UNC13B: variants seen among roughly 807,000 people sequenced by gnomAD.
UNC13B encodes the protein protein unc-13 homolog B.
Under a neutral mutation model 211.0 loss-of-function variants are expected in UNC13B, and 144 were observed. That is an observed-to-expected ratio of 0.68 (90% CI 0.60 to 0.78). UNC13B has a LOEUF of 0.78. Among genes scored for constraint, UNC13B ranks in the 30% least tolerant of loss-of-function variants. UNC13B has a pLI of 0.00. For missense variants in UNC13B, 1,777 were observed against 2,002.0 expected (o/e 0.89, Z 2.14); for synonymous variants, 709 against 725.8 (o/e 0.98, Z 0.37).
intron 7 of UNC13B, among the ~76,000 whole-genome samples, chr9:35,268,659 C>T (rs759805134): frequency 5.9e-5 from 9 of 152,092 alleles, no homozygotes; most frequent in Non-Finnish European, 1.2e-4. Context: ...TGATTATTTC[C>T]TCGTAATTAG....
At chr9:35,206,854 C>T (rs1823677990) in intron 1 of UNC13B, among the ~76,000 whole-genome samples, 1 of 127,200 alleles carries the variant, frequency 7.9e-6, no homozygotes, top group East Asian at 2.2e-4. Flanking sequence ...AGCCTGGTGA[C>T]AGAGTGAGAC....
In UNC13B at chr9:35,399,741, C is replaced by A; in HGVS notation, c.12336+12C>A. 6.2e-7 allele frequency: 1 copy of A among 1,613,884 alleles called. No individual in the cohort carries two copies. ...TGGACACCATCAAGGTGGAGGCCCC[C>A]CCTTTTTCAGACAGTCTTAACCACC... On this transcript the variant is annotated intron_variant, in intron 36 of 39. Coordinates refer to ENST00000635942, the MANE Select transcript of UNC13B (RefSeq NM_001371189.2).
At chr9:35,390,502 A>G in intron 25 of UNC13B, 127 bp from the exon 26 acceptor site, 1 of 1,050,334 alleles carries the variant, frequency 9.5e-7, no homozygotes, top group South Asian at 1.4e-5. Flanking sequence ...GATTGGACCT[A>G]GCCCTGTTCC....
rs765603183 is a variant in UNC13B at position 35,167,754 on chromosome 9, ATTT to A, written c.22+5468_22+5470del. Among the ~76,000 whole-genome samples, 140 of 115,664 alleles carry A rather than the reference ATTT, an allele frequency of 1.2e-3. 2 individuals carry two copies. The East Asian group carries it at 0.026, about 22-fold the overall frequency. The allele number at this position is 115,664 out of a possible 152,430, so 75.9% of individuals were successfully genotyped here. A position where few individuals can be genotyped will look rare whatever the true frequency, so the allele number is the denominator to read the frequency against. On this transcript the variant is annotated intron_variant, in intron 1 of 39. Transcript: ENST00000635942. ...AGGTGCCTGCCACCATGCCTGGCTA[ATTT>A]TTTTTTTTTTTTTTTTTTGTATTTT...
chr9:35,396,159 A>G (rs756759472), intron 26 of UNC13B, among the ~76,000 whole-genome samples: 10 of 152,164 alleles, frequency 6.6e-5, no homozygotes, highest in Non-Finnish European at 1.5e-4. Context: ...ATCAGCACCC[A>G]TGGCCCTTTC....
chr9:35,367,701 A>G (rs757227759), intron 12 of UNC13B, among the ~76,000 whole-genome samples: 9 of 152,052 alleles, frequency 5.9e-5, no homozygotes, highest in Non-Finnish European at 1.3e-4. Context: ...ATTCCACTGT[A>G]GTCAGGATAT....
At chr9:35,219,617 CAAAA>C (rs576502502) in intron 1 of UNC13B, among the ~76,000 whole-genome samples, 2 of 65,434 alleles carry the variant, frequency 3.1e-5, no homozygotes, top group Non-Finnish European at 3.4e-5. Flanking sequence ...ACCCTGTGTC[CAAAA>C]AAAAAAAAAA....
chr9:35,201,063 C>T (rs1389970514), intron 1 of UNC13B, among the ~76,000 whole-genome samples: 4 of 152,046 alleles, frequency 2.6e-5, no homozygotes, highest in East Asian at 1.9e-4. Flanking sequence ...TGAATTTTGT[C>T]GAAGGCCTTT....
At chr9:35,381,250 GC>G in intron 19 of UNC13B, 35 bp downstream of exon 19, 2 of 1,581,116 alleles carry the variant, frequency 1.3e-6, no homozygotes. Context: ...GGATCAGAAA[GC>G]AGTGCTGGGA....
intron 8 of UNC13B, among the ~76,000 whole-genome samples, chr9:35,297,620 G>T (rs1007308671): frequency 4.8e-5 from 7 of 146,676 alleles, no homozygotes; most frequent in Non-Finnish European, 1.0e-4. Context: ...CGCTATCTCG[G>T]CTCACGGCAA....
At chr9:35,397,559 AGT>A in intron 29 of UNC13B, 74 bp from the exon 30 acceptor site, 1 of 1,493,506 alleles carries the variant, frequency 6.7e-7, no homozygotes. Context: ...TGTGATGAGA[AGT>A]GCCACCTCAG....
At chr9:35,347,433 A>G (rs946755649) in intron 11 of UNC13B, among the ~76,000 whole-genome samples, 2 of 152,126 alleles carry the variant, frequency 1.3e-5, no homozygotes, top group Non-Finnish European at 2.9e-5. Flanking sequence ...GAGGCTGGGA[A>G]GGAGGTGAAT....
At chr9:35,191,461 C>T (rs1240163142) in intron 1 of UNC13B, among the ~76,000 whole-genome samples, 3 of 152,134 alleles carry the variant, frequency 2.0e-5, no homozygotes, top group Admixed American at 1.3e-4. Context: ...GTGGTAACAG[C>T]CCCTTCCTAA....
chr9:35,370,956 C>G (rs1834076132), intron 13 of UNC13B, among the ~76,000 whole-genome samples: 1 of 152,184 alleles, frequency 6.6e-6, no homozygotes, highest in Admixed American at 6.5e-5. Context: ...CCCATCCTCC[C>G]AGGATGACCA....
intron 1 of UNC13B, among the ~76,000 whole-genome samples, chr9:35,212,572 C>CA (rs377043727): frequency 1.6e-3 from 244 of 151,036 alleles, no homozygotes; most frequent in African/African-American, 5.6e-3. Context: ...GACTCTGTCT[C>CA]AAAAAAATAA....
At chr9:35,176,410 T>G (rs913796974) in intron 1 of UNC13B, among the ~76,000 whole-genome samples, 3 of 151,834 alleles carry the variant, frequency 2.0e-5, no homozygotes, top group African/African-American at 7.3e-5. Context: ...TAGCTGGGCG[T>G]GGTGGCAGGC....
intron 1 of UNC13B, among the ~76,000 whole-genome samples, chr9:35,182,278 C>T (rs1564051217): frequency 6.6e-6 from 1 of 151,804 alleles, no homozygotes; most frequent in Non-Finnish European, 1.5e-5. Context: ...TCATGTTTAA[C>T]TTAATATTCT....
At chr9:35,194,411 G>A (rs573263209) in intron 1 of UNC13B, among the ~76,000 whole-genome samples, 5 of 152,334 alleles carry the variant, frequency 3.3e-5, no homozygotes, top group African/African-American at 1.2e-4. Context: ...GATAACACCT[G>A]AAGGTAGCCC....
At chr9:35,166,988 G>A (rs983281850) in intron 1 of UNC13B, among the ~76,000 whole-genome samples, 1 of 152,166 alleles carries the variant, frequency 6.6e-6, no homozygotes, top group Non-Finnish European at 1.5e-5. Context: ...GGCCCAAGAC[G>A]GCTTTGAATG....
Sources: gnomAD v4.1 joint callset for allele counts (sites outside exome capture counted in the v4.1 genomes callset) on GRCh38, gnomAD v4.1.1 for gene constraint, MANE v1.5 for transcripts, NCBI Gene and HGNC (gene_info 2026-07-23, HGNC 2026-07-21) for gene names.